CLIP2: variants seen among roughly 807,000 people sequenced by gnomAD.
CLIP2 encodes the protein CAP-Gly domain containing linker protein 2, also known as CAP-Gly domain-containing linker protein 2.
In CLIP2, 41 loss-of-function variants were observed where a neutral mutation model predicts 111.7. That is an observed-to-expected ratio of 0.37 (90% CI 0.29 to 0.48). CLIP2 has a LOEUF of 0.48. Ranked by LOEUF, CLIP2 falls within the 20% of genes least tolerant of loss-of-function variation. The pLI, the probability that CLIP2 is intolerant of heterozygous loss-of-function variation, is 0.99. For synonymous variants in CLIP2, 660 were observed against 644.2 expected (o/e 1.02, Z -0.37); for missense variants, 1,160 against 1,422.1 (o/e 0.82, Z 2.96).
chr7:74,399,303 C>A (rs1228441470), intron 14 of CLIP2, among the ~76,000 whole-genome samples: 1 of 151,896 alleles, frequency 6.6e-6, no homozygotes, highest in Non-Finnish European at 1.5e-5. Flanking sequence ...TTTGGGAGGC[C>A]AAGTTGGGAG....
At chr7:74,295,030 G>A (rs1347068218) in intron 1 of CLIP2, among the ~76,000 whole-genome samples, 1 of 152,024 alleles carries the variant, frequency 6.6e-6, no homozygotes, top group Non-Finnish European at 1.5e-5. Context: ...GCGTGATCTC[G>A]GCTCACTGCA....
At chr7:74,370,673 T>C (rs1790592890) in intron 8 of CLIP2, among the ~76,000 whole-genome samples, 1 of 143,996 alleles carries the variant, frequency 6.9e-6, no homozygotes, top group African/African-American at 2.6e-5. Context: ...TACACCAGGC[T>C]TTTCTCTTTC....
rs202242032 is a variant in CLIP2, at chr7:74,376,094, G to A, written c.1693G>A (p.Asp565Asn). 2.4e-4 allele frequency: 381 copies of A among 1,611,794 alleles called. No homozygotes were observed. The highest frequency in any genetic ancestry group is 5.9e-4 in the Admixed American group (35 of 59,624). ...CCAGAGGGAGAGTGGGGTGCTGCGG[G>A]ATAAATACGAGAAGGCCCTGAAGGC... ...EHQRESGVLR[D>N]KYEKALKAYQ... Residue 565 changes from aspartate (D) to asparagine (N), a missense_variant, in exon 10 of 17, where the codon GAT becomes AAT. By Grantham distance (23) the Asp-to-Asn change is conservative. Around this residue, in one of 5 missense-constraint regions of CLIP2, gnomAD observed 676 missense variants for 777.8 expected, o/e 0.87. Transcript: ENST00000223398. This position sits in a 1 kb window ranked among gnomAD's most constrained non-coding sequence, Gnocchi z 7.1.
At position 74,336,869 on chromosome 7, in the gene CLIP2, T is replaced by G. The variant is rs540285997; in HGVS notation, c.122-1579T>G. Among the ~76,000 whole-genome samples the G allele has an allele frequency of 8.3e-4, 19 of 22,894 alleles. 1 individual carries two copies. In the South Asian group the frequency reaches 8.7e-3, roughly 10 times the overall value. The allele number at this position is 22,894 out of a possible 152,430, so 15.0% of individuals were successfully genotyped here. On this transcript the variant is annotated intron_variant, in intron 2 of 16. Transcript: ENST00000223398. ...GTTGTTTGTTTTTTTTGTTTTTTTTTTTTTTGTTTTTTTTTGTTTTGTTTT... is the reference window on the plus strand; with the variant it reads ...GTTGTTTGTTTTTTTTGTTTTTTTTGTTTTTGTTTTTTTTTGTTTTGTTTT...
intron 1 of CLIP2, among the ~76,000 whole-genome samples, chr7:74,293,468 G>A (rs1788083492): frequency 6.6e-6 from 1 of 152,178 alleles, no homozygotes; most frequent in African/African-American, 2.4e-5. Flanking sequence ...CCCAGTGGGG[G>A]TCTCCTTCAT....
chr7:74,359,133 TAA>T (rs1554309175), intron 6 of CLIP2, among the ~76,000 whole-genome samples: 2 of 148,372 alleles, frequency 1.3e-5, no homozygotes, highest in African/African-American at 5.0e-5. Context: ...CCAGCTAATC[TAA>T]TTTTTGTATT....
At position 74,376,888 on chromosome 7, in the gene CLIP2, C is replaced by A. The variant is rs1554313117; in HGVS notation, c.2421+66C>A. The A allele has an allele frequency of 4.3e-6, 6 of 1,382,700 alleles. No homozygotes were observed. 85.7% of individuals were successfully genotyped at this position (1,382,700 alleles called of 1,614,324 possible). On this transcript the variant is annotated intron_variant, in intron 10 of 16. Transcript: ENST00000223398. The surrounding 1 kb of genome is among the most constrained non-coding windows in gnomAD (Gnocchi z 7.1). Reference sequence around the variant, plus strand: ...TGGGGAGGGCTTGGCCTTTTGCTGACCTCTGTTCTGCAGCCCAGGAAGCAT... The same window carrying A: ...TGGGGAGGGCTTGGCCTTTTGCTGAACTCTGTTCTGCAGCCCAGGAAGCAT...
At chr7:74,390,064 G>A (rs1791230062) in intron 13 of CLIP2, among the ~76,000 whole-genome samples, 1 of 144,896 alleles carries the variant, frequency 6.9e-6, no homozygotes, top group South Asian at 2.2e-4. Flanking sequence ...CTCCAGCCGG[G>A]GCAATAGAGC....
At chr7:74,347,578 T>C (rs1789838088) in intron 3 of CLIP2, among the ~76,000 whole-genome samples, 2 of 152,102 alleles carry the variant, frequency 1.3e-5, no homozygotes, top group South Asian at 4.1e-4. Flanking sequence ...AAACGCGCTG[T>C]ACTCTAAGTC....
At chr7:74,309,162 C>T (rs1788575128) in intron 1 of CLIP2, among the ~76,000 whole-genome samples, 1 of 151,786 alleles carries the variant, frequency 6.6e-6, no homozygotes, top group Non-Finnish European at 1.5e-5. Flanking sequence ...AGCCACTATG[C>T]CCGGCCTCTC....
At chr7:74,372,823 CCTCTCTCT>C (rs1177268334) in intron 8 of CLIP2, 101 bp from the exon 9 acceptor site, 8 of 508,972 alleles carry the variant, frequency 1.6e-5, no homozygotes, top group African/African-American at 1.2e-4. Context: ...GATGACGCCT[CCTCTCTCT>C]CTCTCTCTCT....
chr7:74,330,984 C>T (rs1304836714), intron 2 of CLIP2, among the ~76,000 whole-genome samples: 1 of 151,802 alleles, frequency 6.6e-6, no homozygotes, highest in East Asian at 1.9e-4. Flanking sequence ...GTGGGTGGAT[C>T]ACCTGAGGTC....
intron 10 of CLIP2, among the ~76,000 whole-genome samples, chr7:74,377,576 G>A (rs371929336): frequency 1.3e-5 from 2 of 152,164 alleles, no homozygotes. Context: ...CTTATGCCAG[G>A]CCCTATGTGA....
intron 11 of CLIP2, 145 bp from the exon 12 acceptor site, chr7:74,386,376 C>T (rs1395533293): frequency 3.3e-6 from 2 of 609,446 alleles, no homozygotes; most frequent in South Asian, 2.0e-5. Flanking sequence ...GGTTACCCAG[C>T]GAGACGGCTG....
At chr7:74,329,325 A>C (rs1405120034) in intron 2 of CLIP2, among the ~76,000 whole-genome samples, 2 of 151,552 alleles carry the variant, frequency 1.3e-5, no homozygotes, top group African/African-American at 4.8e-5. Context: ...GATAACAGAC[A>C]TGAGCCACCA....
At chr7:74,295,881 C>CA (rs1554726018) in intron 1 of CLIP2, among the ~76,000 whole-genome samples, 1 of 145,374 alleles carries the variant, frequency 6.9e-6, no homozygotes, top group East Asian at 2.4e-4. Flanking sequence ...CCCAGCTACT[C>CA]TGGATGCTGA....
intron 3 of CLIP2, among the ~76,000 whole-genome samples, chr7:74,350,633 G>A (rs1789957378): frequency 6.6e-6 from 1 of 152,042 alleles, no homozygotes; most frequent in Non-Finnish European, 1.5e-5. Context: ...GGGAGGCTGA[G>A]GAAGGAAGAT....
intron 1 of CLIP2, among the ~76,000 whole-genome samples, chr7:74,296,459 G>A (rs1788171225): frequency 6.6e-6 from 1 of 151,352 alleles, no homozygotes; most frequent in Non-Finnish European, 1.5e-5. Context: ...GCAGTGAGCT[G>A]GGATTGCCAC....
chr7:74,401,040 G>A (rs1423766035), intron 15 of CLIP2, among the ~76,000 whole-genome samples: 1 of 149,470 alleles, frequency 6.7e-6, no homozygotes, highest in Non-Finnish European at 1.5e-5. Context: ...GAAAGGGAAG[G>A]CATCTCTGTC....
Sources: allele counts gnomAD v4.1 joint callset (sites outside exome capture counted in the v4.1 genomes callset), GRCh38; gene constraint gnomAD v4.1.1; regional missense constraint gnomAD v4.1.1; non-coding constraint Gnocchi (gnomAD v3.1); transcripts MANE v1.5; gene names NCBI Gene and HGNC (gene_info 2026-07-23, HGNC 2026-07-21).